Variants in NIPBL observed in about 807,000 individuals in gnomAD.
NIPBL encodes nipped-B-like protein.
A neutral mutation model predicts 321.8 loss-of-function variants in NIPBL; 19 were observed. The ratio of observed to expected loss-of-function variants is 0.06; its 90% confidence interval spans 0.04 to 0.09. The LOEUF (loss-of-function observed/expected upper bound fraction) is 0.09, where lower values mean the gene tolerates loss of function less well. NIPBL is among the 10% of genes least tolerant of loss of function. The pLI is 1.00. For synonymous variants in NIPBL, 1,106 were observed against 1,114.1 expected (o/e 0.99, Z 0.14); for missense variants, 2,210 against 3,327.0 (o/e 0.66, Z 8.26).
At chr5:36,893,120 T>C (rs988019589) in intron 1 of NIPBL, among the ~76,000 whole-genome samples, 1 of 152,180 alleles carries the variant, frequency 6.6e-6, no homozygotes, top group Non-Finnish European at 1.5e-5. Context: ...CTTAGGGCCT[T>C]TCTGGTGTAT....
At chr5:37,027,874 C>T (rs1415544210) in intron 32 of NIPBL, among the ~76,000 whole-genome samples, 1 of 152,054 alleles carries the variant, frequency 6.6e-6, no homozygotes, top group African/African-American at 2.4e-5. Context: ...GTGCCTCGGC[C>T]TCCCAAAGTG....
intron 45 of NIPBL, 51 bp downstream of exon 45, chr5:37,061,069 A>C (rs767974395): frequency 7.0e-7 from 1 of 1,426,336 alleles, no homozygotes; most frequent in Non-Finnish European, 9.9e-7. Flanking sequence ...TTTTTTGACA[A>C]GTAAATGTGG....
At position 37,048,551 on chromosome 5, in the gene NIPBL, G is replaced by T; in HGVS notation, c.6639G>T (p.Lys2213Asn). Residue 2213 changes from lysine (K) to asparagine (N), a missense_variant, in exon 39 of 47, where the codon AAG (lysine) becomes AAT (asparagine). Coordinates refer to ENST00000282516, the MANE Select transcript of NIPBL (RefSeq NM_133433.4). ...HPSLMFEQEV[K>N]NLYNNILSDK... Reference sequence around the variant, plus strand: ...GTCTAATGTTCGAGCAAGAAGTGAAGAATCTATATAATAATATTTTATCTG... The same window carrying T: ...GTCTAATGTTCGAGCAAGAAGTGAATAATCTATATAATAATATTTTATCTG... 1 of 1,585,068 alleles carries T rather than the reference G, an allele frequency of 6.3e-7. No homozygotes were observed. The highest frequency in any genetic ancestry group is 8.6e-7 in the Non-Finnish European group (1 of 1,165,500).
chr5:36,906,143 TA>T (rs965141437), intron 1 of NIPBL, among the ~76,000 whole-genome samples: 1 of 152,166 alleles, frequency 6.6e-6, no homozygotes, highest in African/African-American at 2.4e-5. Context: ...TACATCATGA[TA>T]AATCAGTGGA....
At chr5:36,968,484 G>A (rs939326716) in intron 6 of NIPBL, among the ~76,000 whole-genome samples, 5 of 152,032 alleles carry the variant, frequency 3.3e-5, no homozygotes, top group African/African-American at 1.2e-4. Context: ...CAGGAGAATG[G>A]GGTTAGCCTG....
intron 6 of NIPBL, among the ~76,000 whole-genome samples, 179 bp from the exon 7 acceptor site, chr5:36,970,697 T>G (rs994532428): frequency 1.3e-5 from 2 of 152,008 alleles, no homozygotes; most frequent in African/African-American, 4.8e-5. Flanking sequence ...TTAGTTCTTT[T>G]CAAAAATAGA....
intron 10 of NIPBL, among the ~76,000 whole-genome samples, chr5:36,986,527 T>C (rs1744828803): frequency 6.6e-6 from 1 of 152,162 alleles, no homozygotes; most frequent in South Asian, 2.1e-4. Context: ...AAGGTAGTTA[T>C]GAATGTTACT....
At chr5:36,911,631 G>A (rs901941115) in intron 1 of NIPBL, among the ~76,000 whole-genome samples, 1 of 152,126 alleles carries the variant, frequency 6.6e-6, no homozygotes. Flanking sequence ...AACGCCTCTT[G>A]TATTCTCACA....
intron 40 of NIPBL, chr5:37,051,516 T>C (rs1753542351): frequency 2.0e-6 from 1 of 506,000 alleles, no homozygotes; most frequent in Admixed American, 3.5e-5. Flanking sequence ...TGAGAATGCT[T>C]TATGTTTAAA....
chr5:36,982,937 T>C (rs915972375), intron 9 of NIPBL, among the ~76,000 whole-genome samples: 16 of 151,976 alleles, frequency 1.1e-4, no homozygotes, highest in Admixed American at 6.6e-4. Context: ...AATATAGAAA[T>C]CTTAGGTTAT....
At chr5:36,990,268 T>C (rs1200550710) in intron 10 of NIPBL, among the ~76,000 whole-genome samples, 2 of 152,226 alleles carry the variant, frequency 1.3e-5, no homozygotes, top group Non-Finnish European at 1.5e-5. Flanking sequence ...TTCAGTTATC[T>C]ACTGTTACAG....
At chr5:36,993,032 C>T (rs1184536032) in intron 10 of NIPBL, among the ~76,000 whole-genome samples, 3 of 152,108 alleles carry the variant, frequency 2.0e-5, no homozygotes, top group African/African-American at 4.8e-5. Context: ...TGAGCCACTA[C>T]GCCTGGCCCC....
intron 10 of NIPBL, among the ~76,000 whole-genome samples, chr5:36,991,996 C>A (rs1044357919): frequency 6.6e-6 from 1 of 152,000 alleles, no homozygotes; most frequent in Admixed American, 6.6e-5. Context: ...AATAATCTGG[C>A]AAGTGCTAAT....
At chr5:36,920,667 A>G (rs973117021) in intron 1 of NIPBL, among the ~76,000 whole-genome samples, 2 of 152,202 alleles carry the variant, frequency 1.3e-5, no homozygotes, top group Admixed American at 6.5e-5. Flanking sequence ...GAATCATTTT[A>G]TAAATGTCTT....
chr5:36,905,140 T>C (rs1561369676), intron 1 of NIPBL, among the ~76,000 whole-genome samples: 2 of 152,070 alleles, frequency 1.3e-5, no homozygotes, highest in Non-Finnish European at 2.9e-5. Context: ...AGAGGGTAAA[T>C]TGGCCAAAAA....
At chr5:36,927,418 C>G (rs967919978) in intron 1 of NIPBL, among the ~76,000 whole-genome samples, 6 of 152,102 alleles carry the variant, frequency 3.9e-5, no homozygotes. Flanking sequence ...CATGATCCAA[C>G]CTGTATTTTA....
chr5:36,989,151 C>T (rs1230397005), intron 10 of NIPBL, among the ~76,000 whole-genome samples: 1 of 152,168 alleles, frequency 6.6e-6, no homozygotes, highest in Admixed American at 6.5e-5. Flanking sequence ...AGCTCAAGAG[C>T]TACTTATTTT....
intron 45 of NIPBL, 81 bp downstream of exon 45, chr5:37,061,099 C>T: frequency 1.0e-5 from 10 of 959,736 alleles, no homozygotes; most frequent in South Asian, 4.0e-5. Flanking sequence ...GGGGAGATAA[C>T]TATCTCCTTC....
intron 1 of NIPBL, among the ~76,000 whole-genome samples, chr5:36,922,827 T>A (rs1311873987): frequency 6.6e-6 from 1 of 152,200 alleles, no homozygotes; most frequent in Non-Finnish European, 1.5e-5. Context: ...AAAATTAGTT[T>A]ACCTTTCTTT....
Sources: gnomAD v4.1 joint callset for allele counts (sites outside exome capture counted in the v4.1 genomes callset) on GRCh38, gnomAD v4.1.1 for gene constraint, MANE v1.5 for transcripts, NCBI Gene and HGNC (gene_info 2026-07-23, HGNC 2026-07-21) for gene names.